MSRA: variants seen among roughly 807,000 people sequenced by gnomAD.
MSRA encodes methionine sulfoxide reductase A.
A neutral mutation model predicts 31.3 loss-of-function variants in MSRA; 54 were observed. The observed-to-expected ratio is 1.73, with a 90% CI of 1.39 to 2.17. The LOEUF (loss-of-function observed/expected upper bound fraction) is 2.17. Among genes scored for constraint, MSRA ranks in the 30% most tolerant of loss-of-function variants. The pLI, the probability that MSRA is intolerant of heterozygous loss-of-function variation, is 0.00. For synonymous variants in MSRA, 169 were observed against 116.5 expected, an observed-to-expected ratio of 1.45 and a Z score of -2.90; for missense variants, 507 against 300.9, an observed-to-expected ratio of 1.69 and a Z score of -5.07.
At chr8:10,284,780 A>G (rs1237592143) in intron 3 of MSRA, among the ~76,000 whole-genome samples, 1 of 152,082 alleles carries the variant, frequency 6.6e-6, no homozygotes, top group Non-Finnish European at 1.5e-5. Context: ...AACTGTCCTC[A>G]TCTGTAAAAT....
chr8:10,289,531 C>G (rs984827433), intron 3 of MSRA, among the ~76,000 whole-genome samples: 2 of 152,092 alleles, frequency 1.3e-5, no homozygotes, highest in Admixed American at 1.3e-4. Context: ...CATTTATTTT[C>G]TTTTAGTTAT....
At chr8:10,347,576 T>A (rs1357210106) in intron 5 of MSRA, among the ~76,000 whole-genome samples, 1 of 152,218 alleles carries the variant, frequency 6.6e-6, no homozygotes, top group African/African-American at 2.4e-5. Flanking sequence ...GACCTCAGCC[T>A]GCCGCCTGGT....
intron 1 of MSRA, among the ~76,000 whole-genome samples, chr8:10,078,426 G>A (rs912775837): frequency 6.6e-6 from 1 of 152,234 alleles, no homozygotes. Flanking sequence ...GGGACCCTTG[G>A]CGCAGCCCCG....
At chr8:10,219,812 A>AAAAAAAG (rs1810326645) in intron 2 of MSRA, among the ~76,000 whole-genome samples, 1 of 150,576 alleles carries the variant, frequency 6.6e-6, no homozygotes, top group Non-Finnish European at 1.5e-5. Context: ...TCTCCAAAAA[A>AAAAAAAG]AAAAAAAAAA....
At chr8:10,242,012 C>A (rs1797351867) in intron 2 of MSRA, among the ~76,000 whole-genome samples, 3 of 152,206 alleles carry the variant, frequency 2.0e-5, no homozygotes, top group South Asian at 4.1e-4. Flanking sequence ...TGGCTCACGC[C>A]TGTAATCCCA....
intron 1 of MSRA, among the ~76,000 whole-genome samples, chr8:10,104,433 C>T (rs1191766804): frequency 2.0e-5 from 3 of 152,110 alleles, no homozygotes; most frequent in Non-Finnish European, 1.5e-5. Flanking sequence ...AGACGTAAAA[C>T]ACATCATTCA....
At chr8:10,075,707 A>G (rs1001296262) in intron 1 of MSRA, among the ~76,000 whole-genome samples, 1 of 152,244 alleles carries the variant, frequency 6.6e-6, no homozygotes, top group African/African-American at 2.4e-5. Context: ...AACAAGTTCC[A>G]CAAAGAACTC....
rs78520456 is a variant in MSRA, at chr8:10,153,246, C to T, written c.143-54587C>T. ...GGCTGAGAAGTTGGCCTGGCTGGAC[C>T]GTTGTCTGGGGGGAGCATGTGGATG... On this transcript the variant is annotated intron_variant, in intron 1 of 5. Coordinates refer to ENST00000317173, the MANE Select transcript of MSRA (RefSeq NM_012331.5). Among the ~76,000 whole-genome samples the T allele has an allele frequency of 3.0e-3, 456 of 152,190 alleles. 1 individual carries two copies. The highest frequency in any genetic ancestry group is 0.012 in the East Asian group (60 of 5,178).
intron 2 of MSRA, among the ~76,000 whole-genome samples, chr8:10,243,795 TC>T (rs1797464771): frequency 6.6e-6 from 1 of 152,152 alleles, no homozygotes; most frequent in Non-Finnish European, 1.5e-5. Context: ...TTGTGTTTTT[TC>T]CTTTTTACTT....
intron 1 of MSRA, among the ~76,000 whole-genome samples, chr8:10,074,973 T>C (rs1450736227): frequency 6.6e-6 from 1 of 152,200 alleles, no homozygotes; most frequent in Non-Finnish European, 1.5e-5. Flanking sequence ...GTACTTCTTT[T>C]TTCTCTTTGC....
chr8:10,333,991 C>A (rs983927019), intron 5 of MSRA, among the ~76,000 whole-genome samples: 2 of 152,166 alleles, frequency 1.3e-5, no homozygotes, highest in African/African-American at 2.4e-5. Flanking sequence ...CAGATTAGGA[C>A]AGGGCCTATA....
intron 3 of MSRA, among the ~76,000 whole-genome samples, chr8:10,266,256 G>T (rs1269374886): frequency 6.6e-6 from 1 of 152,210 alleles, no homozygotes; most frequent in Non-Finnish European, 1.5e-5. Flanking sequence ...ATTAGCAGTT[G>T]GTATGGCCAG....
chr8:10,295,148 G>T (rs565615103), intron 3 of MSRA, among the ~76,000 whole-genome samples: 2 of 152,224 alleles, frequency 1.3e-5, no homozygotes, highest in South Asian at 4.1e-4. Context: ...TGCCTACTGT[G>T]TTTGGGCAAT....
chr8:10,409,175 A>G (rs568062903), intron 5 of MSRA, among the ~76,000 whole-genome samples: 59 of 152,318 alleles, frequency 3.9e-4, no homozygotes, highest in African/African-American at 1.4e-3. Flanking sequence ...GCTCATTTAC[A>G]TTCTCACCAA....
At chr8:10,278,871 A>G (rs2975647) in intron 3 of MSRA, among the ~76,000 whole-genome samples, 113,745 of 152,088 alleles carry the variant, frequency 0.75, 42,619 homozygotes, top group Admixed American at 0.82. Flanking sequence ...CTTGTGGCTT[A>G]GTCTTTCAAA....
At chr8:10,198,619 C>T (rs1487449788) in intron 1 of MSRA, among the ~76,000 whole-genome samples, 2 of 152,082 alleles carry the variant, frequency 1.3e-5, no homozygotes, top group East Asian at 3.9e-4. Flanking sequence ...ATGCTTTTGA[C>T]ATTCTTGGTT....
At chr8:10,169,021 G>A (rs1206988283) in intron 1 of MSRA, among the ~76,000 whole-genome samples, 1 of 152,224 alleles carries the variant, frequency 6.6e-6, no homozygotes, top group African/African-American at 2.4e-5. Flanking sequence ...AATGTTATAA[G>A]TACTTTTGCA....
intron 2 of MSRA, among the ~76,000 whole-genome samples, chr8:10,238,712 G>T (rs947681285): frequency 6.6e-6 from 1 of 152,008 alleles, no homozygotes; most frequent in Non-Finnish European, 1.5e-5. Context: ...TATGAATATG[G>T]AAAAAAGTAA....
intron 1 of MSRA, among the ~76,000 whole-genome samples, chr8:10,129,124 T>G (rs1324294150): frequency 1.3e-5 from 2 of 152,200 alleles, no homozygotes; most frequent in African/African-American, 2.4e-5. Context: ...ATCCAGAATA[T>G]CTTATGCCTC....
Sources: allele counts gnomAD v4.1 joint callset (sites outside exome capture counted in the v4.1 genomes callset), GRCh38; gene constraint gnomAD v4.1.1; transcripts MANE v1.5; gene names NCBI Gene and HGNC (gene_info 2026-07-23, HGNC 2026-07-21).